The following ZNF804A variants were observed in gnomAD, a reference collection of about 807,000 sequenced individuals.
ZNF804A encodes the protein zinc finger protein 804A.
ZNF804A carries 2 observed loss-of-function variants against 16.5 expected under a neutral mutation model. That is an observed-to-expected ratio of 0.12 (90% CI 0.05 to 0.38). ZNF804A has a LOEUF of 0.38. Among genes scored for constraint, ZNF804A ranks in the 10% least tolerant of loss-of-function variants. The pLI is 0.99. For missense variants in ZNF804A, 1,473 were observed against 1,390.7 expected (o/e 1.06, Z -0.94); for synonymous variants, 534 against 489.6 (o/e 1.09, Z -1.20).
intron 1 of ZNF804A, among the ~76,000 whole-genome samples, chr2:184,756,621 G>A (rs1246300931): frequency 6.6e-6 from 1 of 151,908 alleles, no homozygotes; most frequent in African/African-American, 2.4e-5. Flanking sequence ...TATACAGCAA[G>A]ACTAGTATGT....
At chr2:184,642,552 A>G (rs1187384716) in intron 1 of ZNF804A, among the ~76,000 whole-genome samples, 2 of 152,178 alleles carry the variant, frequency 1.3e-5, no homozygotes, top group African/African-American at 4.8e-5. Context: ...AAAAAGAACT[A>G]TAGAAGTAAG....
intron 1 of ZNF804A, among the ~76,000 whole-genome samples, chr2:184,758,435 T>C (rs1047794388): frequency 6.6e-6 from 1 of 151,914 alleles, no homozygotes; most frequent in Non-Finnish European, 1.5e-5. Context: ...TCAACAATTC[T>C]ATAAAGTAGA....
chr2:184,654,224 G>T (rs1371838555), intron 1 of ZNF804A, among the ~76,000 whole-genome samples: 1 of 152,214 alleles, frequency 6.6e-6, no homozygotes, highest in African/African-American at 2.4e-5. Context: ...CACAAAGACA[G>T]GCAAATAAAG....
intron 1 of ZNF804A, among the ~76,000 whole-genome samples, chr2:184,864,874 G>GTTTTTTTTTTTTT (rs1695850835): frequency 1.7e-5 from 2 of 117,036 alleles, no homozygotes; most frequent in African/African-American, 9.4e-5. Context: ...ATATAGTTAG[G>GTTTTTTTTTTTTT]ATTTTTTTTT....
intron 2 of ZNF804A, among the ~76,000 whole-genome samples, chr2:184,889,736 T>C (rs1476893944): frequency 6.6e-6 from 1 of 151,998 alleles, no homozygotes; most frequent in Admixed American, 6.5e-5. Flanking sequence ...CTACTTAATG[T>C]TGCTTCTTAT....
intron 1 of ZNF804A, among the ~76,000 whole-genome samples, chr2:184,700,139 A>C (rs1692897244): frequency 1.3e-5 from 2 of 152,126 alleles, no homozygotes; most frequent in African/African-American, 4.8e-5. Context: ...TAATATTCTA[A>C]AGTCATATTT....
intron 2 of ZNF804A, among the ~76,000 whole-genome samples, chr2:184,922,822 A>G (rs1295238068): frequency 1.3e-5 from 2 of 152,026 alleles, no homozygotes; most frequent in Non-Finnish European, 2.9e-5. Context: ...AGAGACTGTC[A>G]TTTCCCCAAT....
intron 1 of ZNF804A, among the ~76,000 whole-genome samples, chr2:184,820,844 G>C (rs1330807886): frequency 1.3e-5 from 2 of 151,866 alleles, no homozygotes; most frequent in African/African-American, 4.8e-5. Context: ...AAATACCTAG[G>C]AATATAGCTA....
At chr2:184,747,767 A>G (rs1044367194) in intron 1 of ZNF804A, among the ~76,000 whole-genome samples, 2 of 151,138 alleles carry the variant, frequency 1.3e-5, no homozygotes, top group Non-Finnish European at 3.0e-5. Context: ...GATAGTGAGC[A>G]TAGTACCCAA....
At chr2:184,651,049 G>T (rs34729409) in intron 1 of ZNF804A, among the ~76,000 whole-genome samples, 1 of 151,880 alleles carries the variant, frequency 6.6e-6, no homozygotes, top group Non-Finnish European at 1.5e-5. Context: ...TATACTATAA[G>T]GCTATTATTA....
intron 2 of ZNF804A, among the ~76,000 whole-genome samples, chr2:184,896,673 C>A (rs1044968792): frequency 6.6e-6 from 1 of 152,040 alleles, no homozygotes; most frequent in African/African-American, 2.4e-5. Flanking sequence ...GTCAATATGG[C>A]AGTTTTAATT....
chr2:184,932,207 G>A (rs1685713878), intron 2 of ZNF804A, among the ~76,000 whole-genome samples: 1 of 152,096 alleles, frequency 6.6e-6, no homozygotes, highest in African/African-American at 2.4e-5. Context: ...CAGTTCCAAA[G>A]TCACTTCCAC....
At chr2:184,800,430 A>G (rs781467738) in intron 1 of ZNF804A, among the ~76,000 whole-genome samples, 1 of 151,608 alleles carries the variant, frequency 6.6e-6, no homozygotes, top group Non-Finnish European at 1.5e-5. Flanking sequence ...ATTCAATACT[A>G]TATATTTACT....
At chr2:184,614,416 A>G (rs1691287730) in intron 1 of ZNF804A, among the ~76,000 whole-genome samples, 2 of 152,236 alleles carry the variant, frequency 1.3e-5, no homozygotes, top group Non-Finnish European at 2.9e-5. Context: ...AATGGCAACA[A>G]AAGCCAAAAT....
intron 1 of ZNF804A, among the ~76,000 whole-genome samples, chr2:184,707,059 G>C (rs1478238537): frequency 6.6e-6 from 1 of 152,082 alleles, no homozygotes; most frequent in African/African-American, 2.4e-5. Context: ...AGAGATTCAA[G>C]GCTGCCAATT....
Position 184,598,945 on chromosome 2 carries a change from GGC to G in ZNF804A, c.-13_-12del. ...TGGAAGCGGCGGCTGCGGCGGAGGA[GGC>G]GGCGGCTGCCCCATGGAGTGTTACT... On this transcript the variant is annotated 5_prime_UTR_variant, in exon 1 of 4. Coordinates refer to ENST00000302277, the MANE Select transcript of ZNF804A (RefSeq NM_194250.2). The G allele has an allele frequency of 2.0e-6, 3 of 1,525,876 alleles. No individual in the cohort carries two copies. The highest frequency in any genetic ancestry group is 2.7e-6 in the Non-Finnish European group (3 of 1,128,550). 94.5% of individuals were successfully genotyped at this position (1,525,876 alleles called of 1,614,324 possible).
intron 1 of ZNF804A, among the ~76,000 whole-genome samples, chr2:184,787,035 G>A (rs10192464): frequency 0.025 from 3,765 of 151,880 alleles, 155 homozygotes; most frequent in African/African-American, 0.087. Flanking sequence ...AATGGTTGGG[G>A]TTGGGCTTCT....
intron 1 of ZNF804A, among the ~76,000 whole-genome samples, chr2:184,603,834 A>G (rs547695602): frequency 6.6e-6 from 1 of 152,218 alleles, no homozygotes; most frequent in South Asian, 2.1e-4. Context: ...CTTGTGTTTC[A>G]ATTTTCTGAA....
chr2:184,790,326 TTGAG>T (rs1694516529), intron 1 of ZNF804A, among the ~76,000 whole-genome samples: 2 of 151,968 alleles, frequency 1.3e-5, no homozygotes, highest in Non-Finnish European at 2.9e-5. Flanking sequence ...TTGTAATTGT[TTGAG>T]TATTACGTTC....
Sources: allele counts gnomAD v4.1 joint callset (sites outside exome capture counted in the v4.1 genomes callset), GRCh38; gene constraint gnomAD v4.1.1; transcripts MANE v1.5; gene names NCBI Gene and HGNC (gene_info 2026-07-23, HGNC 2026-07-21).